TK2: variants seen among roughly 807,000 people sequenced by gnomAD.
TK2 encodes the protein thymidine kinase 2, mitochondrial.
Under a neutral mutation model 41.9 loss-of-function variants are expected in TK2, and 35 were observed. The observed-to-expected ratio is 0.84, with a 90% CI of 0.64 to 1.11. TK2 has a LOEUF of 1.11. TK2 is among the 50% of genes least tolerant of loss of function. TK2 has a pLI of 0.00. For synonymous variants in TK2, 128 were observed against 129.1 expected (o/e 0.99, Z 0.06); for missense variants, 320 against 351.1 (o/e 0.91, Z 0.71).
At chr16:66,549,857 G>C (rs1010358840) in intron 1 of TK2, 81 bp downstream of exon 1, 2 of 1,285,370 alleles carry the variant, frequency 1.6e-6, no homozygotes, top group Non-Finnish European at 2.0e-6. Context: ...CTTCGGGCTC[G>C]GGCGGGTTCC....
At chr16:66,536,300 C>T (rs1429194560) in intron 4 of TK2, among the ~76,000 whole-genome samples, 1 of 152,030 alleles carries the variant, frequency 6.6e-6, no homozygotes, top group African/African-American at 2.4e-5. Context: ...ATTTCCTAAG[C>T]TGAAAAATGA....
intron 3 of TK2, among the ~76,000 whole-genome samples, chr16:66,540,964 G>A (rs968257505): frequency 6.6e-6 from 1 of 152,192 alleles, no homozygotes; most frequent in Non-Finnish European, 1.5e-5. Context: ...AATACAAACA[G>A]TTTGAGCATC....
chr16:66,546,529 G>A (rs1965612315), intron 2 of TK2: 1 of 150,018 alleles, frequency 6.7e-6, no homozygotes, highest in South Asian at 2.1e-4. Flanking sequence ...CGGCATTAAT[G>A]TTTATAATAT....
In TK2 at chr16:66,520,084, G is replaced by A. The variant is rs571172229; in HGVS notation, c.450-2207C>T. ...GGAGAGTGGACGGAGAACAGCAGCG[G>A]GGCCTGAGCAGACTGCAGCACAGAG... On this transcript the variant is annotated intron_variant, in intron 6 of 9. Transcript: ENST00000544898. 9.1e-4 allele frequency among the ~76,000 whole-genome samples: 139 copies of A among 152,274 alleles called. 1 individual carries two copies. The highest frequency in any genetic ancestry group is 1.5e-3 in the Non-Finnish European group (101 of 68,022).
intron 2 of TK2, among the ~76,000 whole-genome samples, chr16:66,547,676 C>T (rs1965650196): frequency 6.6e-6 from 1 of 151,930 alleles, no homozygotes; most frequent in African/African-American, 2.4e-5. Context: ...CCCCATCAGA[C>T]AGACCTCCCC....
chr16:66,543,170 G>A (rs1020323925), intron 2 of TK2, among the ~76,000 whole-genome samples: 1 of 152,164 alleles, frequency 6.6e-6, no homozygotes, highest in Non-Finnish European at 1.5e-5. Context: ...CACTGCACCC[G>A]GCCAAGCCTC....
intron 6 of TK2, among the ~76,000 whole-genome samples, chr16:66,519,225 C>G (rs1330129636): frequency 6.6e-6 from 1 of 152,120 alleles, no homozygotes; most frequent in Non-Finnish European, 1.5e-5. Flanking sequence ...GTCGCCCAGG[C>G]TGGAGTGCAG....
At chr16:66,547,340 G>A (rs564061883) in intron 2 of TK2, among the ~76,000 whole-genome samples, 154 of 152,060 alleles carry the variant, frequency 1.0e-3, no homozygotes, top group Non-Finnish European at 8.5e-4. Context: ...TCCCCACATC[G>A]CTCCCTGAGA....
At chr16:66,527,873 T>C (rs1769152328) in intron 6 of TK2, among the ~76,000 whole-genome samples, 1 of 151,610 alleles carries the variant, frequency 6.6e-6, no homozygotes, top group Non-Finnish European at 1.5e-5. Flanking sequence ...CTACTAAAAA[T>C]ACAAAAAAAA....
intron 6 of TK2, among the ~76,000 whole-genome samples, chr16:66,518,956 A>C (rs1964696189): frequency 6.6e-6 from 1 of 151,480 alleles, no homozygotes; most frequent in Middle Eastern, 3.2e-3. Context: ...TTTAGTTTTT[A>C]TTTATTTTTT....
intron 4 of TK2, among the ~76,000 whole-genome samples, chr16:66,535,613 T>C (rs968374729): frequency 1.3e-5 from 2 of 152,176 alleles, no homozygotes. Context: ...CTAGGCCCTA[T>C]CACCACCCGC....
In TK2 at chr16:66,517,731, C is replaced by T. The variant is rs1567526293; in HGVS notation, c.538+58G>A. 1 of 1,556,102 alleles carries T rather than the reference C, an allele frequency of 6.4e-7. No homozygotes were observed. The highest frequency in any genetic ancestry group is 8.9e-7 in the Non-Finnish European group (1 of 1,127,100). On this transcript the variant is annotated intron_variant, in intron 7 of 9. Transcript: ENST00000544898. This position sits in a 1 kb window ranked among gnomAD's most constrained non-coding sequence, Gnocchi z 4.3. ...CCAAGGGTTGGGGCCCAGCCAAGCA[C>T]ATCCTCAAGGGACCCAGGAGAGAGA...
rs1261856762 is a variant in TK2 at position 66,549,953 on chromosome 16, G to A, written c.109C>T (p.Arg37Trp). 7 of 1,367,648 alleles carry A rather than the reference G, an allele frequency of 5.1e-6. No individual in the cohort carries two copies. In the African/African-American group the frequency reaches 7.6e-5, roughly 15 times the overall value. 84.7% of individuals were successfully genotyped at this position (1,367,648 alleles called of 1,614,324 possible). A position where few individuals can be genotyped will look rare whatever the true frequency, so the allele number is the denominator to read the frequency against. Residue 37 changes from arginine (R) to tryptophan (W), a missense_variant, in exon 1 of 10, where the codon CGG (arginine) becomes TGG (tryptophan). By Grantham distance (101) the Arg-to-Trp change is moderately radical. Coordinates refer to ENST00000544898, the MANE Select transcript of TK2 (RefSeq NM_004614.5). ...SGPGPRRVQRRAWPPDKEQEK... is the reference protein window; with the variant it reads ...SGPGPRRVQRWAWPPDKEQEK... ...CGCGCGTTACCGGGAGGCCAGGCCC[G>A]GCGCTGCACCCTCCGCGGCCCGGGG... is the stretch of plus-strand genomic sequence containing the variant.
Position 66,549,938 on chromosome 16 carries a change from CG to C in TK2, c.123del (p.Asp42IlefsTer11). The C allele has an allele frequency of 7.4e-7, 1 of 1,354,374 alleles. No individual in the cohort carries two copies. Among genetic ancestry groups the C allele is most frequent in the South Asian group, 2.0e-5 (1 of 50,774 alleles). 83.9% of individuals were successfully genotyped at this position (1,354,374 alleles called of 1,614,324 possible). A position where few individuals can be genotyped will look rare whatever the true frequency, so the allele number is the denominator to read the frequency against. On this transcript the variant is annotated frameshift_variant and splice_region_variant, in exon 1 of 10. Coordinates refer to ENST00000544898, the MANE Select transcript of TK2 (RefSeq NM_004614.5). LOFTEE classifies it high-confidence loss of function. ...PRRVQRRAWP[P>X]DKEQEKEKKS... ...GAGGCGGGACCAAGACGCGCGTTAC[CG>C]GGAGGCCAGGCCCGGCGCTGCACCC...
Position 66,512,001 on chromosome 16 carries a change from T to C in TK2, c.765A>G (p.Ile255Met). The change falls in exon 10 of 10, where the codon ATA (isoleucine) becomes ATG (methionine). Residue 255 changes from isoleucine to methionine, a missense_variant. Ile to Met is a conservative substitution (Grantham distance 10, BLOSUM62 1). Transcript: ENST00000544898. The stretch of plus-strand genomic sequence containing the variant: ...AATGCTTCCGATTCTCTGGAGTTAA[T>C]ATTCGATCCCGATTTTGTTCAAAGA... ...LELFEQNRDR[I>M]LTPENRKHCP is the part of the protein sequence containing the mutation. 1 of 1,614,218 alleles carries C rather than the reference T, an allele frequency of 6.2e-7. No homozygotes were observed. Among genetic ancestry groups the C allele is most frequent in the Non-Finnish European group, 8.5e-7 (1 of 1,180,038 alleles).
At chr16:66,524,287 C>T (rs980757163) in intron 6 of TK2, among the ~76,000 whole-genome samples, 8 of 152,238 alleles carry the variant, frequency 5.3e-5, no homozygotes, top group East Asian at 3.9e-4. Flanking sequence ...GGAAAAGGGT[C>T]GTGGCATTGG....
chr16:66,530,249 G>A (rs998469240), intron 5 of TK2, among the ~76,000 whole-genome samples: 1 of 152,246 alleles, frequency 6.6e-6, no homozygotes, highest in Non-Finnish European at 1.5e-5. Context: ...GGACCGAACT[G>A]TCCAGCCCAG....
chr16:66,515,778 T>C (rs1232617806), intron 8 of TK2, among the ~76,000 whole-genome samples: 1 of 152,192 alleles, frequency 6.6e-6, no homozygotes, highest in Non-Finnish European at 1.5e-5. Flanking sequence ...CCTAGCATTC[T>C]TGTCTCCAAG....
At chr16:66,539,602 G>GA (rs775031607) in intron 3 of TK2, among the ~76,000 whole-genome samples, 1,569 of 48,996 alleles carry the variant, frequency 0.032, 21 homozygotes, top group African/African-American at 0.056. Context: ...CTCCATCTCA[G>GA]AAAAAAAAAA....
Sources: allele counts gnomAD v4.1 joint callset (sites outside exome capture counted in the v4.1 genomes callset), GRCh38; gene constraint gnomAD v4.1.1; non-coding constraint Gnocchi (gnomAD v3.1); transcripts MANE v1.5; gene names NCBI Gene and HGNC (gene_info 2026-07-23, HGNC 2026-07-21).